KLHL14: variants seen among roughly 807,000 people sequenced by gnomAD.
KLHL14 encodes the protein kelch like family member 14.
In KLHL14, 22 loss-of-function variants were observed where a neutral mutation model predicts 64.3. That is an observed-to-expected ratio of 0.34 (90% confidence interval 0.24 to 0.49). The LOEUF (loss-of-function observed/expected upper bound fraction) is 0.49. KLHL14 is among the 20% of genes least tolerant of loss of function. The probability of loss-of-function intolerance (pLI) is 0.99; values close to 1 mark genes in which losing one functional copy is unlikely to be tolerated. For synonymous variants in KLHL14, 322 were observed against 333.4 expected, an observed-to-expected ratio of 0.97 and a Z score of 0.37; for missense variants, 661 against 789.0, an observed-to-expected ratio of 0.84 and a Z score of 1.94.
chr18:32,690,716 G>A (rs758674241), intron 4 of KLHL14, among the ~76,000 whole-genome samples: 27 of 152,082 alleles, frequency 1.8e-4, no homozygotes, highest in African/African-American at 5.8e-4. Context: ...GCAACAGAGT[G>A]AGACTCCACA....
chr18:32,693,409 CACACAGAG>C (rs1307309695), intron 4 of KLHL14, among the ~76,000 whole-genome samples: 90 of 116,776 alleles, frequency 7.7e-4, no homozygotes, highest in African/African-American at 2.2e-3. Context: ...CACACACACA[CACACAGAG>C]AGAGAGAGAG....
intron 3 of KLHL14, among the ~76,000 whole-genome samples, chr18:32,739,180 T>C (rs998278993): frequency 2.6e-5 from 4 of 152,148 alleles, no homozygotes; most frequent in Non-Finnish European, 5.9e-5. Context: ...TACCTTTAAC[T>C]GTCATCCTCA....
chr18:32,698,240 C>T (rs950301294), intron 3 of KLHL14, among the ~76,000 whole-genome samples: 1 of 152,112 alleles, frequency 6.6e-6, no homozygotes, highest in African/African-American at 2.4e-5. Context: ...CATGCCTGCT[C>T]CTTTCCAGAT....
chr18:32,716,833 T>G (rs2050048353), intron 3 of KLHL14, among the ~76,000 whole-genome samples: 3 of 152,248 alleles, frequency 2.0e-5, no homozygotes. Flanking sequence ...TTTTTATTTT[T>G]TCAAATATGA....
chr18:32,707,985 A>C (rs928070485), intron 3 of KLHL14, among the ~76,000 whole-genome samples: 1 of 152,298 alleles, frequency 6.6e-6, no homozygotes, highest in East Asian at 1.9e-4. Flanking sequence ...TAATGGTCCA[A>C]AGTGGCTGGG....
chr18:32,751,727 C>T (rs2050253253), intron 2 of KLHL14, among the ~76,000 whole-genome samples: 1 of 152,194 alleles, frequency 6.6e-6, no homozygotes, highest in African/African-American at 2.4e-5. Context: ...AAAGATAATA[C>T]ATGCTCACTG....
intron 5 of KLHL14, among the ~76,000 whole-genome samples, chr18:32,681,913 A>G (rs1438639638): frequency 6.6e-6 from 1 of 152,150 alleles, no homozygotes; most frequent in Non-Finnish European, 1.5e-5. Flanking sequence ...GGCCTTTGAC[A>G]TGTCACCCAA....
intron 2 of KLHL14, among the ~76,000 whole-genome samples, chr18:32,759,040 A>C (rs1014938437): frequency 6.6e-6 from 1 of 152,196 alleles, no homozygotes; most frequent in Non-Finnish European, 1.5e-5. Context: ...ATGGCCACAC[A>C]ACTCTGTGAA....
chr18:32,686,069 T>C (rs2049876468), intron 5 of KLHL14, among the ~76,000 whole-genome samples: 1 of 150,678 alleles, frequency 6.6e-6, no homozygotes, highest in African/African-American at 2.4e-5. Context: ...TGGAGTGCAG[T>C]GGCGCAATCT....
At chr18:32,754,598 C>T (rs1469525260) in intron 2 of KLHL14, among the ~76,000 whole-genome samples, 4 of 152,182 alleles carry the variant, frequency 2.6e-5, no homozygotes, top group Non-Finnish European at 5.9e-5. Flanking sequence ...AACAGCCTCC[C>T]GATCCAAAGT....
Position 32,769,608 on chromosome 18 carries a change from C to A in KLHL14, c.947+37G>T, listed in dbSNP as rs747270177. 19 of 819,796 alleles carry A rather than the reference C, an allele frequency of 2.3e-5. 2 individuals carry two copies. The East Asian group carries it at 2.7e-4, about 12-fold the overall frequency. The allele number at this position is 819,796 out of a possible 1,614,324, so 50.8% of individuals were successfully genotyped here. A position where few individuals can be genotyped will look rare whatever the true frequency, so the allele number is the denominator to read the frequency against. ...CTCCCTCCGGCCTCTCTGGCTCTAC[C>A]CCCCCCTCCCCCGCCCTCCTCTTTG... On this transcript the variant is annotated intron_variant, in intron 2 of 8. Transcript: ENST00000359358.
intron 5 of KLHL14, among the ~76,000 whole-genome samples, chr18:32,682,796 A>G (rs1460030156): frequency 6.6e-6 from 1 of 152,206 alleles, no homozygotes; most frequent in African/African-American, 2.4e-5. Flanking sequence ...ACTGACACAT[A>G]TCTACAAAAA....
chr18:32,739,207 G>GT (rs1218326331), intron 3 of KLHL14, among the ~76,000 whole-genome samples: 1 of 152,102 alleles, frequency 6.6e-6, no homozygotes, highest in Non-Finnish European at 1.5e-5. Context: ...TGACAAACTA[G>GT]TTTGGTATTT....
chr18:32,741,790 G>A (rs542123332), intron 3 of KLHL14, 138 bp downstream of exon 3: 13 of 1,045,418 alleles, frequency 1.2e-5, no homozygotes, highest in South Asian at 1.1e-4. Flanking sequence ...TAAATCCCCG[G>A]TGATACATAA....
At chr18:32,678,272 A>G (rs2049820927) in intron 7 of KLHL14, among the ~76,000 whole-genome samples, 1 of 152,188 alleles carries the variant, frequency 6.6e-6, no homozygotes, top group Non-Finnish European at 1.5e-5. Context: ...TTTTTCCCGT[A>G]GTTAAATGCA....
chr18:32,680,306 T>G lies in KLHL14; in HGVS notation c.1451A>C (p.Tyr484Ser). The G allele has an allele frequency of 6.2e-7, 1 of 1,613,914 alleles. No homozygotes were observed. The highest frequency in any genetic ancestry group is 8.5e-7 in the Non-Finnish European group (1 of 1,179,840). ...YISGGVHNGE[Y>S]VPWLYCYDPV... ...GTCATAGCAATATAGCCATGGGACA[T>G]ATTCTCCATTGTGTACACCCCCTGT... is the stretch of plus-strand genomic sequence containing the variant. Residue 484 changes from tyrosine (Y) to serine (S), a missense_variant, in exon 7 of 9, where the codon TAT becomes TCT. Tyr to Ser is a moderately radical substitution (Grantham distance 144, BLOSUM62 -2). Around this residue, in one of 2 missense-constraint regions of KLHL14, gnomAD observed 330 missense variants for 450.0 expected, o/e 0.73. Coordinates refer to ENST00000359358, the MANE Select transcript of KLHL14 (RefSeq NM_020805.3). The surrounding 1 kb of genome is among the most constrained non-coding windows in gnomAD (Gnocchi z 4.8).
At chr18:32,723,022 T>C (rs1166863529) in intron 3 of KLHL14, among the ~76,000 whole-genome samples, 2 of 152,094 alleles carry the variant, frequency 1.3e-5, no homozygotes, top group Non-Finnish European at 2.9e-5. Context: ...GGAATGGGCA[T>C]AGGATAACAC....
rs780520672 is a variant in KLHL14, at chr18:32,695,593, A to G, written c.1070-41T>C. On this transcript the variant is annotated intron_variant, in intron 3 of 8. Coordinates refer to ENST00000359358, the MANE Select transcript of KLHL14 (RefSeq NM_020805.3). ...AAAAAAAAGACATATGAAATTTTCC[A>G]TCTCAGGATTTGCTACCTTGGCTCA... is the stretch of plus-strand genomic sequence containing the variant. 2.2e-6 allele frequency: 3 copies of G among 1,338,684 alleles called. No homozygotes were observed. In the East Asian group the frequency reaches 7.0e-5, roughly 31 times the overall value. The allele number at this position is 1,338,684 out of a possible 1,614,324, so 82.9% of individuals were successfully genotyped here.
At position 32,680,747 on chromosome 18, in the gene KLHL14, C is replaced by A; in HGVS notation, c.1239-148G>T. 1.5e-6 allele frequency: 1 copy of A among 686,426 alleles called. No homozygotes were observed. Among genetic ancestry groups the A allele is most frequent in the Non-Finnish European group, 2.4e-6 (1 of 414,468 alleles). The allele number at this position is 686,426 out of a possible 1,614,324, so 42.5% of individuals were successfully genotyped here. ...AAATCTTTAAAAATTACACGTATAC[C>A]TTATAATTCTGAGACCTTCTACAGT... On this transcript the variant is annotated intron_variant, in intron 5 of 8. Transcript: ENST00000359358. The surrounding 1 kb of genome is among the most constrained non-coding windows in gnomAD (Gnocchi z 4.8).
Sources: gnomAD v4.1 joint callset for allele counts (sites outside exome capture counted in the v4.1 genomes callset) on GRCh38, gnomAD v4.1.1 for gene constraint, gnomAD v4.1.1 regional missense constraint, Gnocchi (gnomAD v3.1) non-coding constraint, MANE v1.5 for transcripts, NCBI Gene and HGNC (gene_info 2026-07-23, HGNC 2026-07-21) for gene names.